CHST9: variants seen among roughly 807,000 people sequenced by gnomAD.
CHST9 encodes carbohydrate sulfotransferase 9, also known as GalNAc-4-sulfotransferase 2.
Under a neutral mutation model 44.4 loss-of-function variants are expected in CHST9, and 41 were observed. The observed-to-expected ratio is 0.92, with a 90% CI of 0.72 to 1.20. CHST9 has a LOEUF of 1.20. Ranked by LOEUF, CHST9 falls within the 50% of genes most tolerant of loss-of-function variation. The pLI is 0.00. For missense variants in CHST9, 504 were observed against 516.5 expected, an observed-to-expected ratio of 0.98 and a Z score of 0.23; for synonymous variants, 171 against 178.4, an observed-to-expected ratio of 0.96 and a Z score of 0.33.
intron 4 of CHST9, among the ~76,000 whole-genome samples, 177 bp from the exon 5 acceptor site, chr18:26,944,543 A>G: frequency 6.6e-6 from 1 of 152,210 alleles, no homozygotes; most frequent in East Asian, 1.9e-4. Context: ...AAAAAAAGCC[A>G]AAACCTAAAT....
At chr18:27,074,700 T>A (rs1028864630) in intron 2 of CHST9, among the ~76,000 whole-genome samples, 4 of 151,898 alleles carry the variant, frequency 2.6e-5, no homozygotes, top group African/African-American at 9.7e-5. Flanking sequence ...TTTCCTAGCT[T>A]TGCAAAATTA....
intron 2 of CHST9, among the ~76,000 whole-genome samples, chr18:27,059,565 CT>C: frequency 6.6e-6 from 1 of 152,262 alleles, no homozygotes; most frequent in Admixed American, 6.5e-5. Context: ...CTTGTGAAGT[CT>C]GAGTTTGTTC....
intron 1 of CHST9, among the ~76,000 whole-genome samples, chr18:27,159,520 T>C (rs988929631): frequency 1.3e-5 from 2 of 152,184 alleles, no homozygotes; most frequent in Admixed American, 6.5e-5. Context: ...AGCCTTGTAG[T>C]ATAGTTTGAA....
intron 5 of CHST9, among the ~76,000 whole-genome samples, chr18:26,920,565 C>T (rs567359476): frequency 6.6e-6 from 1 of 152,242 alleles, no homozygotes; most frequent in East Asian, 1.9e-4. Context: ...CTTTCTTGCT[C>T]TCTGTGGTAC....
intron 5 of CHST9, among the ~76,000 whole-genome samples, chr18:26,919,597 G>A (rs547504335): frequency 3.9e-5 from 6 of 152,224 alleles, no homozygotes; most frequent in African/African-American, 1.4e-4. Context: ...CCAGGGACCT[G>A]GTGAATTTAA....
intron 1 of CHST9, among the ~76,000 whole-genome samples, chr18:27,179,624 T>G (rs1195070619): frequency 6.6e-6 from 1 of 152,066 alleles, no homozygotes; most frequent in Non-Finnish European, 1.5e-5. Context: ...GAAGAGTTTT[T>G]CTAAAAATAT....
At chr18:27,047,324 C>G (rs552115599) in intron 3 of CHST9, among the ~76,000 whole-genome samples, 46 of 151,430 alleles carry the variant, frequency 3.0e-4, no homozygotes, top group Non-Finnish European at 6.3e-4. Flanking sequence ...AATTTCTCCC[C>G]CAAGGAGCAA....
intron 4 of CHST9, among the ~76,000 whole-genome samples, chr18:26,974,862 G>A (rs561213774): frequency 2.0e-5 from 3 of 152,084 alleles, no homozygotes; most frequent in African/African-American, 7.2e-5. Flanking sequence ...TTTTAGTAGG[G>A]ATGGGGTTTC....
intron 4 of CHST9, among the ~76,000 whole-genome samples, chr18:26,982,198 G>A (rs534303332): frequency 1.5e-4 from 23 of 152,162 alleles, no homozygotes; most frequent in Admixed American, 8.5e-4. Context: ...CTACTTCCTC[G>A]TCTCTTCATC....
chr18:27,030,757 G>A (rs576597686), intron 3 of CHST9, among the ~76,000 whole-genome samples: 7 of 152,334 alleles, frequency 4.6e-5, no homozygotes, highest in Non-Finnish European at 8.8e-5. Context: ...AGCCTCTAAA[G>A]TGAGAATAGC....
At chr18:27,168,918 C>T (rs984692826) in intron 1 of CHST9, among the ~76,000 whole-genome samples, 3 of 152,186 alleles carry the variant, frequency 2.0e-5, no homozygotes, top group African/African-American at 7.2e-5. Flanking sequence ...GGGTCCAGGA[C>T]TTCCCTGAAG....
intron 2 of CHST9, among the ~76,000 whole-genome samples, chr18:27,080,563 G>A (rs1277005397): frequency 1.3e-5 from 2 of 152,022 alleles, no homozygotes; most frequent in African/African-American, 2.4e-5. Context: ...GCATATAATA[G>A]GCATTCAGTG....
intron 4 of CHST9, among the ~76,000 whole-genome samples, chr18:26,994,719 C>G (rs139789795): frequency 6.2e-4 from 94 of 151,966 alleles, no homozygotes; most frequent in African/African-American, 2.1e-3. Flanking sequence ...CTCCTGAGTA[C>G]CTGGGATTAC....
intron 3 of CHST9, among the ~76,000 whole-genome samples, chr18:27,043,234 G>A (rs2057464803): frequency 6.6e-6 from 1 of 151,826 alleles, no homozygotes. Flanking sequence ...ACTGCCTTTG[G>A]AGCTCATTCA....
At chr18:27,035,841 A>AT (rs1463994612) in intron 3 of CHST9, among the ~76,000 whole-genome samples, 3 of 152,128 alleles carry the variant, frequency 2.0e-5, no homozygotes, top group Non-Finnish European at 4.4e-5. Flanking sequence ...GTATTGTAAA[A>AT]TTTAAAATTT....
chr18:27,085,658 T>C (rs2058005821), intron 2 of CHST9, among the ~76,000 whole-genome samples: 1 of 152,200 alleles, frequency 6.6e-6, no homozygotes, highest in Non-Finnish European at 1.5e-5. Flanking sequence ...GGAACATTTA[T>C]ACATTCCTGG....
At chr18:27,184,205 C>T (rs1460626769) in intron 1 of CHST9, among the ~76,000 whole-genome samples, 2 of 152,100 alleles carry the variant, frequency 1.3e-5, no homozygotes, top group South Asian at 2.1e-4. Context: ...GTATTATTCA[C>T]TTGCCATCGC....
intron 2 of CHST9, among the ~76,000 whole-genome samples, chr18:27,137,302 ATATGTGTG>A (rs1403714511): frequency 3.4e-5 from 1 of 29,596 alleles, no homozygotes; most frequent in Non-Finnish European, 6.1e-5. Flanking sequence ...ATTTATTTAT[ATATGTGTG>A]TGTGTGTGTG....
In CHST9 at chr18:27,148,017, A is replaced by G. The variant is rs375978734; in HGVS notation, c.-96-5112T>C. On this transcript the variant is annotated intron_variant, in intron 1 of 5. Transcript: ENST00000618847. ...TTTCCTGACCCTCTCCATCCTCCCA[A>G]ATTCCACCCTCTGATAGGCTCCAGT... 2.6e-5 allele frequency among the ~76,000 whole-genome samples: 4 copies of G among 151,708 alleles called. No homozygotes were observed. The East Asian group carries it at 7.8e-4, about 29-fold the overall frequency.
Sources: allele counts gnomAD v4.1 joint callset (sites outside exome capture counted in the v4.1 genomes callset), GRCh38; gene constraint gnomAD v4.1.1; transcripts MANE v1.5; gene names NCBI Gene and HGNC (gene_info 2026-07-23, HGNC 2026-07-21).